Variants in NFATC4 observed in about 807,000 individuals in gnomAD.
The protein encoded by NFATC4 is nuclear factor of activated T-cells, cytoplasmic 4.
Under a neutral mutation model 73.4 loss-of-function variants are expected in NFATC4, and 25 were observed. That is an observed-to-expected ratio of 0.34 (90% CI 0.25 to 0.48). The LOEUF is 0.48. Ranked by LOEUF, NFATC4 falls within the 20% of genes least tolerant of loss-of-function variation. The pLI is 0.99. For missense variants in NFATC4, 1,130 were observed against 1,203.7 expected (o/e 0.94, Z 0.91); for synonymous variants, 523 against 510.3 (o/e 1.02, Z -0.34).
At chr14:24,369,357 T>A in intron 1 of NFATC4, 142 bp from the exon 2 acceptor site, 1 of 1,599,210 alleles carries the variant, frequency 6.3e-7, no homozygotes, top group Non-Finnish European at 8.5e-7. Context: ...CAACTCTGCT[T>A]TTGTCTTGTG....
intron 3 of NFATC4, chr14:24,372,959 C>T: frequency 1.6e-6 from 1 of 619,532 alleles, no homozygotes; most frequent in Non-Finnish European, 2.8e-6. Context: ...CTGCCTTTGC[C>T]CAGCCCACTT....
intron 5 of NFATC4, 30 bp from the exon 6 acceptor site, chr14:24,374,296 G>A: frequency 6.3e-7 from 1 of 1,582,862 alleles, no homozygotes; most frequent in Non-Finnish European, 8.6e-7. Flanking sequence ...GCCCAGCCCA[G>A]CCAGTCCTCT....
intron 6 of NFATC4, 107 bp from the exon 7 acceptor site, chr14:24,375,553 C>A: frequency 8.8e-7 from 1 of 1,130,872 alleles, no homozygotes; most frequent in Non-Finnish European, 1.3e-6. Flanking sequence ...CCTTCTAGGG[C>A]CTTCTGAATT....
Position 24,373,128 on chromosome 14 carries a change from C to A in NFATC4, c.1360-43C>A, listed in dbSNP as rs563517016. 5.1e-6 allele frequency: 8 copies of A among 1,576,532 alleles called. No individual in the cohort carries two copies. Among genetic ancestry groups the A allele is most frequent in the Non-Finnish European group, 7.0e-6 (8 of 1,147,518 alleles). ...ATCTAGGGATGAATAAAGGATGAGA[C>A]GGTGGGGATTTCAATGAGGTGGCCG... is the stretch of plus-strand genomic sequence containing the variant. On this transcript the variant is annotated intron_variant, in intron 3 of 9. Transcript: ENST00000250373. This position sits in a 1 kb window ranked among gnomAD's most constrained non-coding sequence, Gnocchi z 4.7.
In NFATC4 at chr14:24,369,914, C is replaced by A; in HGVS notation, c.516C>A (p.Gly172=). ...GGGAFFSPSP[G]SSSLSSWSFF... ...GGGCCTTCTTCAGCCCAAGCCCTGG[C>A]AGCAGCAGCCTGTCCTCGTGGAGCT... The change falls in exon 2 of 10, where the codon GGC becomes GGA. Residue 172 remains glycine (G), a synonymous_variant. Transcript: ENST00000250373. The A allele has an allele frequency of 6.2e-7, 1 of 1,612,452 alleles. No homozygotes were observed. Among genetic ancestry groups the A allele is most frequent in the South Asian group, 1.1e-5 (1 of 91,062 alleles).
chr14:24,370,187 C>T lies in NFATC4; in HGVS notation c.789C>T (p.Ala263=), dbSNP rs1298306479. 1 of 1,607,132 alleles carries T rather than the reference C, an allele frequency of 6.2e-7. No individual in the cohort carries two copies. The highest frequency in any genetic ancestry group is 8.5e-7 in the Non-Finnish European group (1 of 1,179,878). The part of the protein sequence containing the change: ...PGPTPASPRP[A]SPCGKRRYSS... ...CCACCCCAGCCTCCCCGCGGCCTGCCTCTCCATGTGGCAAGCGGCGCTATT... is the reference window on the plus strand; with the variant it reads ...CCACCCCAGCCTCCCCGCGGCCTGCTTCTCCATGTGGCAAGCGGCGCTATT... The change falls in exon 2 of 10, where the codon GCC becomes GCT. Residue 263 remains alanine, a synonymous_variant. Coordinates refer to ENST00000250373, the MANE Select transcript of NFATC4 (RefSeq NM_004554.5).
rs555678596 is a variant in NFATC4 at position 24,372,051 on chromosome 14, C to T, written c.1197-390C>T. On this transcript the variant is annotated intron_variant, in intron 2 of 9. Coordinates refer to ENST00000250373, the MANE Select transcript of NFATC4 (RefSeq NM_004554.5). ...ATCTGAGGCCTTTTCTGGTCTGAAG[C>T]GGCACTTCTTTTTTCTTTCCATCCA... is the stretch of plus-strand genomic sequence containing the variant. 196 of 180,072 alleles carry T rather than the reference C, an allele frequency of 1.1e-3. 1 individual carries two copies. The highest frequency in any genetic ancestry group is 4.4e-3 in the African/African-American group (184 of 42,040). 11.2% of individuals were successfully genotyped at this position (180,072 alleles called of 1,614,324 possible).
chr14:24,369,867 GA>G lies in NFATC4; in HGVS notation c.471del (p.Ala158GlnfsTer45), dbSNP rs766380008. The G allele has an allele frequency of 6.2e-7, 1 of 1,610,108 alleles. No homozygotes were observed. Among genetic ancestry groups the G allele is most frequent in the South Asian group, 1.1e-5 (1 of 90,746 alleles). On this transcript the variant is annotated frameshift_variant, in exon 2 of 10. Coordinates refer to ENST00000250373, the MANE Select transcript of NFATC4 (RefSeq NM_004554.5). LOFTEE classifies it high-confidence loss of function. ...PPPEGFGGYR[E>X]AGGQGGGAFF... ...ACCAGAAGGCTTTGGGGGCTACAGA[GA>G]AGCAGGGGGCCAGGGTGGGGGGGCC...
In NFATC4 at chr14:24,374,180, T is replaced by C. The variant is rs749346575; in HGVS notation, c.1733-146T>C. The C allele has an allele frequency of 1.1e-5, 12 of 1,057,552 alleles. No individual in the cohort carries two copies. The South Asian group carries it at 1.8e-4, about 16-fold the overall frequency. The allele number at this position is 1,057,552 out of a possible 1,614,324, so 65.5% of individuals were successfully genotyped here. On this transcript the variant is annotated intron_variant, in intron 5 of 9. Transcript: ENST00000250373. ...CCCTTACATGGTGTATGTGACTCCA[T>C]GGATATTACTGGTTTATTTGTGTGT...
At position 24,376,377 on chromosome 14, in the gene NFATC4, G is replaced by T; in HGVS notation, c.2140G>T (p.Asp714Tyr). 1.9e-6 allele frequency: 3 copies of T among 1,612,686 alleles called. No individual in the cohort carries two copies. Among genetic ancestry groups the T allele is most frequent in the Non-Finnish European group, 2.5e-6 (3 of 1,179,306 alleles). Residue 714 changes from aspartate (D) to tyrosine (Y), a missense_variant, in exon 9 of 10, where the codon GAC becomes TAC. Asp to Tyr is a radical substitution (Grantham distance 160, BLOSUM62 -3). Around this residue, in one of 3 missense-constraint regions of NFATC4, gnomAD observed 390 missense variants for 408.1 expected, o/e 0.96. Coordinates refer to ENST00000250373, the MANE Select transcript of NFATC4 (RefSeq NM_004554.5). This position sits in a 1 kb window ranked among gnomAD's most constrained non-coding sequence, Gnocchi z 5.0. ...ASATPFGTDM[D>Y]FSPPRPPYPS... ...GGCAACCCCCTTTGGCACTGACATG[G>T]ACTTCTCACCACCCAGGCCCCCCTA... is the stretch of plus-strand genomic sequence containing the variant.
upstream of NFATC4, chr14:24,367,529 T>C: frequency 6.5e-7 from 1 of 1,535,932 alleles, no homozygotes; most frequent in Non-Finnish European, 8.7e-7. Context: ...TGGCTCGGAC[T>C]GCTCCCAGAG....
Position 24,373,803 on chromosome 14 carries a change from A to C in NFATC4, c.1668A>C (p.Val556=). 6.2e-7 allele frequency: 1 copy of C among 1,614,126 alleles called. No individual in the cohort carries two copies. The highest frequency in any genetic ancestry group is 8.5e-7 in the Non-Finnish European group (1 of 1,180,026). ...CACGTGTACGGCTGGTGTTCCGGGT[A>C]CACGTGCCCCAGGGCGGCGGGAAGG... is the stretch of plus-strand genomic sequence containing the variant. ...KNTRVRLVFR[V]HVPQGGGKVV... is the part of the protein sequence containing the mutation. The change falls in exon 5 of 10, where the codon GTA becomes GTC. Residue 556 remains valine (V), a synonymous_variant. Coordinates refer to ENST00000250373, the MANE Select transcript of NFATC4 (RefSeq NM_004554.5). This position sits in a 1 kb window ranked among gnomAD's most constrained non-coding sequence, Gnocchi z 4.7.
At chr14:24,369,339 C>T (rs772592876) in intron 1 of NFATC4, 160 bp from the exon 2 acceptor site, 9 of 1,597,610 alleles carry the variant, frequency 5.6e-6, no homozygotes, top group Non-Finnish European at 7.6e-6. Context: ...CCTCCATCTT[C>T]CCAGGTCCAA....
In NFATC4 at chr14:24,373,005, G is replaced by T; in HGVS notation, c.1360-166G>T. ...TCCAAGAAAAACACTGTGAACTCCAGGCCATGTTTTCTCCACAACGGGTGC... is the reference window on the plus strand; with the variant it reads ...TCCAAGAAAAACACTGTGAACTCCATGCCATGTTTTCTCCACAACGGGTGC... On this transcript the variant is annotated intron_variant, in intron 3 of 9. Coordinates refer to ENST00000250373, the MANE Select transcript of NFATC4 (RefSeq NM_004554.5). This position sits in a 1 kb window ranked among gnomAD's most constrained non-coding sequence, Gnocchi z 4.7. 1.4e-6 allele frequency: 1 copy of T among 708,352 alleles called. No homozygotes were observed. Among genetic ancestry groups the T allele is most frequent in the Non-Finnish European group, 2.3e-6 (1 of 434,928 alleles). The allele number at this position is 708,352 out of a possible 1,614,324, so 43.9% of individuals were successfully genotyped here. A position where few individuals can be genotyped will look rare whatever the true frequency, so the allele number is the denominator to read the frequency against.
intron 2 of NFATC4, among the ~76,000 whole-genome samples, chr14:24,371,559 C>T (rs2042472347): frequency 6.6e-6 from 1 of 152,188 alleles, no homozygotes; most frequent in Non-Finnish European, 1.5e-5. Context: ...GATAAGTTGT[C>T]CCATCTGAAA....
chr14:24,374,345 G>T lies in NFATC4; in HGVS notation c.1752G>T (p.Glu584Asp), dbSNP rs1269811120. The T allele has an allele frequency of 6.2e-7, 1 of 1,612,984 alleles. No individual in the cohort carries two copies. The highest frequency in any genetic ancestry group is 1.3e-5 in the African/African-American group (1 of 74,940). ...CTGCAGCCCAGCGCTCAGCCCAGGA[G>T]CTGCCCCAGGTGGAGGCCTACAGCC... ...PIECSQRSAQ[E>D]LPQVEAYSPS... Residue 584 changes from glutamate (E) to aspartate (D), a missense_variant, in exon 6 of 10, where the codon GAG becomes GAT. Transcript: ENST00000250373.
In NFATC4 at chr14:24,369,668, C is replaced by G; in HGVS notation, c.270C>G (p.Ala90=). The G allele has an allele frequency of 1.2e-6, 2 of 1,612,956 alleles. No individual in the cohort carries two copies. The highest frequency in any genetic ancestry group is 1.7e-6 in the Non-Finnish European group (2 of 1,179,570). Residue 90 remains alanine (A), a synonymous_variant, in exon 2 of 10, where the codon GCC becomes GCG. Coordinates refer to ENST00000250373, the MANE Select transcript of NFATC4 (RefSeq NM_004554.5). ...PSPGTWESQP[A]RSVRLGGPGG... ...CTGGCACCTGGGAGAGCCAGCCCGC[C>G]AGGTCGGTGAGGCTGGGAGGACCAG...
rs752877307 is a variant in NFATC4 at position 24,376,591 on chromosome 14, G to A, written c.2354G>A (p.Arg785His). The change falls in exon 9 of 10, where the codon CGC becomes CAC. Residue 785 changes from arginine to histidine, a missense_variant. Arg to His is a conservative substitution (Grantham distance 29). Transcript: ENST00000250373. This position sits in a 1 kb window ranked among gnomAD's most constrained non-coding sequence, Gnocchi z 5.0. ...CCACCTGCAGTTTCCTTCCTTCCCC[G>A]CCCCTTCCCTAGTGACCCGTATGGA... ...AQPPAVSFLP[R>H]PFPSDPYGGR... 2.5e-6 allele frequency: 4 copies of A among 1,613,714 alleles called. No individual in the cohort carries two copies. Among genetic ancestry groups the A allele is most frequent in the Admixed American group, 3.3e-5 (2 of 59,978 alleles).
In NFATC4 at chr14:24,376,878, G is replaced by A. The variant is rs1257225651; in HGVS notation, c.2641G>A (p.Val881Met). Residue 881 changes from valine to methionine, a missense_variant and splice_region_variant, in exon 9 of 10, where the codon GTG (valine) becomes ATG (methionine). Physicochemically the swap from Val to Met is conservative, Grantham distance 21. This residue lies in a region of NFATC4 where 390 missense variants were observed against 408.1 expected (regional missense o/e 0.96). Transcript: ENST00000250373. The surrounding 1 kb of genome is among the most constrained non-coding windows in gnomAD (Gnocchi z 5.0). ...TATCCAGGGTATCACGCTGGAGGAA[G>A]GTGGGTGTGGGACTGGGGGCTGTGA... ...VPIQGITLEE[V>M]SEIIGRDLSG... 6.4e-7 allele frequency: 1 copy of A among 1,556,018 alleles called. No individual in the cohort carries two copies. Among genetic ancestry groups the A allele is most frequent in the Non-Finnish European group, 8.7e-7 (1 of 1,152,706 alleles).
Sources: allele counts gnomAD v4.1 joint callset (sites outside exome capture counted in the v4.1 genomes callset), GRCh38; gene constraint gnomAD v4.1.1; regional missense constraint gnomAD v4.1.1; non-coding constraint Gnocchi (gnomAD v3.1); transcripts MANE v1.5; gene names NCBI Gene and HGNC (gene_info 2026-07-23, HGNC 2026-07-21).